VEGFC: variants seen among roughly 807,000 people sequenced by gnomAD.
VEGFC encodes the protein FLT4 ligand DHM.
In VEGFC, 12 loss-of-function variants were observed where a neutral mutation model predicts 46.1. The observed-to-expected ratio is 0.26, with a 90% CI of 0.17 to 0.42. The LOEUF is 0.42. VEGFC is among the 10% of genes least tolerant of loss of function. VEGFC has a pLI of 1.00. For missense variants in VEGFC, 488 were observed against 529.4 expected, an observed-to-expected ratio of 0.92 and a Z score of 0.77; for synonymous variants, 232 against 195.5, an observed-to-expected ratio of 1.19 and a Z score of -1.56.
intron 3 of VEGFC, among the ~76,000 whole-genome samples, chr4:176,713,968 CA>C (rs1203129998): frequency 3.9e-5 from 6 of 152,062 alleles, no homozygotes; most frequent in African/African-American, 7.2e-5. Flanking sequence ...TGTGGCAGGG[CA>C]GGGGCTGTAG....
rs146306039 is a variant in VEGFC, at chr4:176,741,168, G to T, written c.148-11422C>A. On this transcript the variant is annotated intron_variant, in intron 1 of 6. Transcript: ENST00000618562. ...GTAGGCTTTCTTAGTAGATCGGAAAGTTATACAACACAGGGAAGATTATGT... is the reference window on the plus strand; with the variant it reads ...GTAGGCTTTCTTAGTAGATCGGAAATTTATACAACACAGGGAAGATTATGT... Among the ~76,000 whole-genome samples the T allele has an allele frequency of 1.9e-3, 293 of 152,032 alleles. 2 individuals are homozygous for T. The highest frequency in any genetic ancestry group is 6.8e-3 in the African/African-American group (281 of 41,516).
intron 4 of VEGFC, among the ~76,000 whole-genome samples, chr4:176,709,545 A>T (rs1734587256): frequency 1.3e-5 from 2 of 152,174 alleles, no homozygotes; most frequent in Admixed American, 1.3e-4. Context: ...CTGAACTCTG[A>T]GAAATGGAGA....
chr4:176,741,350 A>G (rs1735171613), intron 1 of VEGFC, among the ~76,000 whole-genome samples: 1 of 152,046 alleles, frequency 6.6e-6, no homozygotes, highest in African/African-American at 2.4e-5. Context: ...GAGCTGGACA[A>G]TCAACATTGA....
chr4:176,768,715 C>T (rs1735675021), intron 1 of VEGFC, among the ~76,000 whole-genome samples: 1 of 151,652 alleles, frequency 6.6e-6, no homozygotes, highest in African/African-American at 2.4e-5. Flanking sequence ...TATTCCTCTG[C>T]CTTAATTTCC....
At chr4:176,769,956 A>G (rs1010089469) in intron 1 of VEGFC, among the ~76,000 whole-genome samples, 1 of 152,148 alleles carries the variant, frequency 6.6e-6, no homozygotes, top group African/African-American at 2.4e-5. Context: ...GGGTCCCTGA[A>G]CTCCCTGAAA....
intron 1 of VEGFC, among the ~76,000 whole-genome samples, chr4:176,739,040 CAT>C (rs1414244589): frequency 2.0e-5 from 3 of 151,194 alleles, no homozygotes; most frequent in African/African-American, 7.3e-5. Context: ...AGCTGACAAA[CAT>C]ATGAAATAAA....
intron 3 of VEGFC, among the ~76,000 whole-genome samples, chr4:176,726,946 A>T (rs981300676): frequency 1.3e-5 from 2 of 152,242 alleles, no homozygotes; most frequent in African/African-American, 4.8e-5. Context: ...TAGAAAGGTC[A>T]TTAGGACAAC....
intron 3 of VEGFC, among the ~76,000 whole-genome samples, chr4:176,721,323 T>C (rs1033527411): frequency 1.3e-5 from 2 of 152,104 alleles, no homozygotes; most frequent in African/African-American, 4.8e-5. Flanking sequence ...GCAACCCAAT[T>C]AGAAAAGATA....
At chr4:176,717,759 C>G (rs1272116575) in intron 3 of VEGFC, among the ~76,000 whole-genome samples, 2 of 151,920 alleles carry the variant, frequency 1.3e-5, no homozygotes, top group Admixed American at 6.6e-5. Context: ...GATATATGTA[C>G]CCCCAGAAGA....
chr4:176,684,323 G>C (rs945881692), intron 6 of VEGFC, among the ~76,000 whole-genome samples: 1 of 152,228 alleles, frequency 6.6e-6, no homozygotes, highest in African/African-American at 2.4e-5. Flanking sequence ...CTTCATGGGT[G>C]AAAGAAACAT....
At chr4:176,751,204 G>C (rs1438181294) in intron 1 of VEGFC, among the ~76,000 whole-genome samples, 1 of 151,600 alleles carries the variant, frequency 6.6e-6, no homozygotes, top group Non-Finnish European at 1.5e-5. Flanking sequence ...AATAGAGAGA[G>C]CCAAAAAACC....
At chr4:176,730,898 T>A (rs920835245) in intron 1 of VEGFC, among the ~76,000 whole-genome samples, 26 of 151,774 alleles carry the variant, frequency 1.7e-4, no homozygotes, top group African/African-American at 4.6e-4. Flanking sequence ...TCTCATTTTT[T>A]AATTTCATTA....
rs763799312 is a variant in VEGFC, at chr4:176,687,434, G to A, written c.898C>T (p.Arg300Trp). 2.5e-5 allele frequency: 41 copies of A among 1,613,980 alleles called. No individual in the cohort carries two copies. In the East Asian group the frequency reaches 3.6e-4, roughly 14 times the overall value. ...TCQCVCRAGL[R>W]PASCGPHKEL... is the part of the protein sequence containing the mutation. ...TTGTGGGGTCCACAGCTGGCAGGCCGAAGCCCCGCTCTGCAGACACACTGA... is the reference window on the plus strand; with the variant it reads ...TTGTGGGGTCCACAGCTGGCAGGCCAAAGCCCCGCTCTGCAGACACACTGA... Residue 300 changes from arginine to tryptophan, a missense_variant, in exon 6 of 7, where the codon CGG becomes TGG. Arg to Trp is a moderately radical substitution (Grantham distance 101, BLOSUM62 -3). Coordinates refer to ENST00000618562, the MANE Select transcript of VEGFC (RefSeq NM_005429.5).
intron 1 of VEGFC, among the ~76,000 whole-genome samples, chr4:176,769,898 A>G (rs1362333532): frequency 6.6e-6 from 1 of 152,200 alleles, no homozygotes; most frequent in African/African-American, 2.4e-5. Context: ...ATAACATAAA[A>G]TAGAATGATT....
At chr4:176,766,325 G>A (rs1184657207) in intron 1 of VEGFC, among the ~76,000 whole-genome samples, 1 of 152,088 alleles carries the variant, frequency 6.6e-6, no homozygotes, top group African/African-American at 2.4e-5. Context: ...GTGGCTCACA[G>A]CTATAATCCC....
intron 4 of VEGFC, among the ~76,000 whole-genome samples, chr4:176,707,242 C>T (rs1482339100): frequency 6.6e-6 from 1 of 152,184 alleles, no homozygotes; most frequent in Admixed American, 6.5e-5. Context: ...AAGAAACTGT[C>T]AACTGTTTTG....
At chr4:176,762,113 A>T (rs1024202301) in intron 1 of VEGFC, among the ~76,000 whole-genome samples, 6 of 152,322 alleles carry the variant, frequency 3.9e-5, no homozygotes, top group African/African-American at 1.4e-4. Context: ...TAGGCTCAGA[A>T]CATGAGGCCT....
intron 1 of VEGFC, among the ~76,000 whole-genome samples, chr4:176,766,775 T>C (rs1735632734): frequency 6.6e-6 from 1 of 152,026 alleles, no homozygotes; most frequent in South Asian, 2.1e-4. Flanking sequence ...TACCTAGTTA[T>C]CCAAATTAAA....
intron 1 of VEGFC, among the ~76,000 whole-genome samples, chr4:176,750,497 A>G (rs1387387067): frequency 6.6e-6 from 1 of 151,762 alleles, no homozygotes; most frequent in Non-Finnish European, 1.5e-5. Flanking sequence ...AATGCATCAA[A>G]GGGTTCACAA....
Sources: gnomAD v4.1 joint callset for allele counts (sites outside exome capture counted in the v4.1 genomes callset) on GRCh38, gnomAD v4.1.1 for gene constraint, MANE v1.5 for transcripts, NCBI Gene and HGNC (gene_info 2026-07-23, HGNC 2026-07-21) for gene names.